NUP155: variants seen among roughly 807,000 people sequenced by gnomAD.
NUP155 encodes the protein nucleoporin 155.
NUP155 carries 71 observed loss-of-function variants against 180.4 expected under a neutral mutation model. That is an observed-to-expected ratio of 0.39 (90% confidence interval 0.33 to 0.48). The LOEUF is 0.48. NUP155 is among the 20% of genes least tolerant of loss of function. The pLI, the probability that NUP155 is intolerant of heterozygous loss-of-function variation, is 0.91. For synonymous variants in NUP155, 582 were observed against 559.5 expected, an observed-to-expected ratio of 1.04 and a Z score of -0.57; for missense variants, 1,553 against 1,648.9, an observed-to-expected ratio of 0.94 and a Z score of 1.01.
At chr5:37,368,090 A>G (rs1265343857) in intron 1 of NUP155, among the ~76,000 whole-genome samples, 1 of 151,676 alleles carries the variant, frequency 6.6e-6, no homozygotes, top group African/African-American at 2.4e-5. Context: ...CACTTTTTGT[A>G]GAGACAGGGT....
intron 19 of NUP155, among the ~76,000 whole-genome samples, chr5:37,325,638 G>T (rs562017945): frequency 2.0e-5 from 3 of 151,662 alleles, no homozygotes; most frequent in Admixed American, 6.6e-5. Flanking sequence ...GCATGGTGGC[G>T]CACACCTGTA....
At chr5:37,363,486 A>C (rs111922062) in intron 3 of NUP155, among the ~76,000 whole-genome samples, 18 of 152,360 alleles carry the variant, frequency 1.2e-4, no homozygotes, top group Admixed American at 2.6e-4. Flanking sequence ...TCAAATTCAC[A>C]AAATGACAAC....
intron 4 of NUP155, among the ~76,000 whole-genome samples, chr5:37,356,570 C>T (rs904019242): frequency 6.6e-6 from 1 of 151,836 alleles, no homozygotes; most frequent in African/African-American, 2.4e-5. Context: ...ACTCAGGAGG[C>T]GAGACTGCAG....
intron 7 of NUP155, 56 bp downstream of exon 7, chr5:37,350,104 G>C: frequency 8.7e-7 from 1 of 1,148,378 alleles, no homozygotes; most frequent in Non-Finnish European, 1.3e-6. Flanking sequence ...AAAACGTTGA[G>C]GGAACAATGT....
At chr5:37,331,961 C>T (rs187897037) in intron 13 of NUP155, among the ~76,000 whole-genome samples, 166 bp from the exon 14 acceptor site, 17 of 152,028 alleles carry the variant, frequency 1.1e-4, no homozygotes, top group Admixed American at 1.0e-3. Flanking sequence ...CAGCACATCA[C>T]GGGGCTGAGG....
chr5:37,349,371 G>A (rs1031030878), intron 7 of NUP155, 126 bp from the exon 8 acceptor site: 1 of 360,926 alleles, frequency 2.8e-6, no homozygotes, highest in Non-Finnish European at 5.2e-6. Context: ...CTACTCTCTT[G>A]CTTTGTAGTT....
intron 27 of NUP155, 104 bp from the exon 28 acceptor site, chr5:37,303,518 T>C: frequency 3.0e-6 from 3 of 986,724 alleles, no homozygotes; most frequent in Non-Finnish European, 4.6e-6. Context: ...CTTTGCCTTG[T>C]TTTATGAAAA....
chr5:37,367,734 CCAT>C lies in NUP155; in HGVS notation c.157+3084_157+3086del, dbSNP rs1261012879. Among the ~76,000 whole-genome samples, 5 of 152,014 alleles carry C rather than the reference CCAT, an allele frequency of 3.3e-5. No individual in the cohort carries two copies. In the South Asian group the frequency reaches 1.0e-3, roughly 32 times the overall value. On this transcript the variant is annotated intron_variant, in intron 1 of 34. Transcript: ENST00000231498. ...ATTTTTAGTAGAGATGGGGGTTTCA[CCAT>C]GTTAGCCAGGATGGTCTCATCTCCT...
intron 13 of NUP155, among the ~76,000 whole-genome samples, chr5:37,332,546 T>C (rs1745048386): frequency 6.6e-6 from 1 of 151,998 alleles, no homozygotes; most frequent in African/African-American, 2.4e-5. Context: ...GATGGTGTTT[T>C]TGCCATTACA....
At chr5:37,359,765 G>C (rs963722030) in intron 3 of NUP155, among the ~76,000 whole-genome samples, 2 of 152,096 alleles carry the variant, frequency 1.3e-5, no homozygotes, top group African/African-American at 4.8e-5. Context: ...ACCAGACTCA[G>C]CTATGAATCC....
At chr5:37,370,348 G>A (rs1747879826) in intron 1 of NUP155, among the ~76,000 whole-genome samples, 1 of 152,194 alleles carries the variant, frequency 6.6e-6, no homozygotes, top group Non-Finnish European at 1.5e-5. Flanking sequence ...CTTCAGCCTG[G>A]GCGAAGAGGG....
intron 30 of NUP155, among the ~76,000 whole-genome samples, chr5:37,300,052 T>C (rs1049338386): frequency 4.0e-5 from 6 of 151,112 alleles, no homozygotes; most frequent in Non-Finnish European, 8.8e-5. Flanking sequence ...GGTAAGGGTA[T>C]GGTAAATACA....
intron 4 of NUP155, among the ~76,000 whole-genome samples, chr5:37,357,101 T>C (rs1324785792): frequency 6.7e-6 from 1 of 150,052 alleles, no homozygotes; most frequent in Non-Finnish European, 1.5e-5. Context: ...AGCGAGACTC[T>C]GTCTCAAAAA....
At chr5:37,292,674 T>A (rs1381780619) in intron 34 of NUP155, among the ~76,000 whole-genome samples, 1 of 152,192 alleles carries the variant, frequency 6.6e-6, no homozygotes, top group Non-Finnish European at 1.5e-5. Flanking sequence ...GAATACATTA[T>A]GTATGTTCAG....
intron 25 of NUP155, among the ~76,000 whole-genome samples, chr5:37,306,976 T>C (rs1374310101): frequency 1.3e-5 from 2 of 151,478 alleles, no homozygotes; most frequent in African/African-American, 2.4e-5. Context: ...GGTGGGTGGA[T>C]CACTTGAGGT....
chr5:37,351,896 CTG>C (rs1746490456), intron 5 of NUP155, among the ~76,000 whole-genome samples: 9 of 149,082 alleles, frequency 6.0e-5, no homozygotes, highest in African/African-American at 2.2e-4. Context: ...GTGTGTGTGC[CTG>C]TGTGTTTATT....
chr5:37,325,330 T>C (rs954544640), intron 19 of NUP155, among the ~76,000 whole-genome samples: 10 of 152,172 alleles, frequency 6.6e-5, no homozygotes, highest in African/African-American at 2.2e-4. Flanking sequence ...GAGGGAGATA[T>C]ACTACGCCCC....
chr5:37,353,184 T>C (rs543294592), intron 4 of NUP155, among the ~76,000 whole-genome samples: 1 of 152,216 alleles, frequency 6.6e-6, no homozygotes, highest in African/African-American at 2.4e-5. Flanking sequence ...TAGCAGTGTT[T>C]TTCACAATAA....
chr5:37,314,103 CTTCCCAAA>C, intron 22 of NUP155, 87 bp downstream of exon 22: 1 of 859,908 alleles, frequency 1.2e-6, no homozygotes, highest in Non-Finnish European at 1.9e-6. Flanking sequence ...AACTTAAATG[CTTCCCAAA>C]ATAATCCCCT....
Sources: allele counts gnomAD v4.1 joint callset (sites outside exome capture counted in the v4.1 genomes callset), GRCh38; gene constraint gnomAD v4.1.1; transcripts MANE v1.5; gene names NCBI Gene and HGNC (gene_info 2026-07-23, HGNC 2026-07-21).